The following ARHGEF33 variants were observed in gnomAD, a reference collection of about 807,000 sequenced individuals.
ARHGEF33 encodes Rho guanine nucleotide exchange factor 33.
A neutral mutation model predicts 101.9 loss-of-function variants in ARHGEF33; 72 were observed. The observed-to-expected ratio is 0.71, with a 90% CI of 0.58 to 0.86. The LOEUF is 0.86. Ranked by LOEUF, ARHGEF33 falls within the 40% of genes least tolerant of loss-of-function variation. The pLI, the probability that ARHGEF33 is intolerant of heterozygous loss-of-function variation, is 0.00. For missense variants in ARHGEF33, 1,169 were observed against 1,111.3 expected (o/e 1.05, Z -0.74); for synonymous variants, 499 against 442.5 (o/e 1.13, Z -1.60).
At chr2:38,916,659 C>G (rs1162139640) in intron 2 of ARHGEF33, among the ~76,000 whole-genome samples, 1 of 152,190 alleles carries the variant, frequency 6.6e-6, no homozygotes, top group African/African-American at 2.4e-5. Context: ...TCATTTATAA[C>G]CATGTAGCTA....
intron 16 of ARHGEF33, among the ~76,000 whole-genome samples, chr2:38,963,151 T>C (rs1425690612): frequency 6.6e-6 from 1 of 152,122 alleles, no homozygotes; most frequent in Non-Finnish European, 1.5e-5. Flanking sequence ...TCTGCATGTC[T>C]AAGTATATAT....
Position 38,921,403 on chromosome 2 carries a change from C to T in ARHGEF33, c.55C>T (p.Pro19Ser). 6.5e-7 allele frequency: 1 copy of T among 1,546,828 alleles called. No individual in the cohort carries two copies. Among genetic ancestry groups the T allele is most frequent in the Non-Finnish European group, 8.8e-7 (1 of 1,142,536 alleles). ...GENEHMPVNN[P>S]STQIYQLQAL... ...GAATGAACATATGCCGGTGAATAAT[C>T]CTTCCACGCAGATTTACCAGGTAAA... Residue 19 changes from proline (P) to serine (S), a missense_variant, in exon 4 of 18, where the codon CCT (proline) becomes TCT (serine). Coordinates refer to ENST00000409978, the MANE Select transcript of ARHGEF33 (RefSeq NM_001145451.5).
chr2:38,928,695 T>A (rs995497349), intron 4 of ARHGEF33: 18 of 350,108 alleles, frequency 5.1e-5, no homozygotes, highest in Admixed American at 3.3e-4. Flanking sequence ...TTTATCAAGC[T>A]TCAGCATATG....
At chr2:38,962,798 A>C (rs1167984390) in intron 16 of ARHGEF33, among the ~76,000 whole-genome samples, 2 of 127,594 alleles carry the variant, frequency 1.6e-5, no homozygotes, top group Admixed American at 1.0e-4. Context: ...GCGGATCATG[A>C]GGTCAGGAGA....
At chr2:38,954,602 A>T (rs1667693011) in intron 13 of ARHGEF33, 146 bp downstream of exon 13, 1 of 625,014 alleles carries the variant, frequency 1.6e-6, no homozygotes. Context: ...TTACCTGATA[A>T]CCCATAATAC....
chr2:38,929,628 A>T, intron 5 of ARHGEF33, 81 bp from the exon 6 acceptor site: 1 of 1,146,684 alleles, frequency 8.7e-7, no homozygotes, highest in Non-Finnish European at 1.2e-6. Context: ...AATATGTATT[A>T]AAAGTGTACA....
intron 4 of ARHGEF33, among the ~76,000 whole-genome samples, chr2:38,926,260 A>T (rs749697306): frequency 8.5e-5 from 13 of 152,324 alleles, no homozygotes; most frequent in Middle Eastern, 3.4e-3. Context: ...CTCGCTGGAG[A>T]ACAAGGTAGA....
chr2:38,916,757 C>A (rs1666642855), intron 2 of ARHGEF33, among the ~76,000 whole-genome samples: 1 of 149,334 alleles, frequency 6.7e-6, no homozygotes, highest in African/African-American at 2.5e-5. Flanking sequence ...GAATAAAGGT[C>A]TTTTTCTTTT....
At position 38,954,408 on chromosome 2, in the gene ARHGEF33, G is replaced by A. The variant is rs1443061690; in HGVS notation, c.1173G>A (p.Leu391=). 1 of 1,551,100 alleles carries A rather than the reference G, an allele frequency of 6.4e-7. No individual in the cohort carries two copies. The highest frequency in any genetic ancestry group is 2.0e-5 in the Admixed American group (1 of 51,002). Residue 391 remains leucine (L), a synonymous_variant, in exon 13 of 18, where the codon TTG becomes TTA. Transcript: ENST00000409978. The part of the protein sequence containing the change: ...DEEIKSDIYT[L]FFHIVQRIPE... ...AGATTAAATCTGACATCTACACGTTGTTTTTTCACATAGTCCAGCGCATCC... is the reference window on the plus strand; with the variant it reads ...AGATTAAATCTGACATCTACACGTTATTTTTTCACATAGTCCAGCGCATCC...
intron 2 of ARHGEF33, among the ~76,000 whole-genome samples, chr2:38,903,148 CCAAA>C (rs533179800): frequency 5.9e-5 from 9 of 152,094 alleles, no homozygotes; most frequent in Non-Finnish European, 1.3e-4. Flanking sequence ...TTCTGTGATT[CCAAA>C]CAGTCTTTTA....
chr2:38,943,447 G>A (rs1017637546), intron 9 of ARHGEF33, among the ~76,000 whole-genome samples: 3 of 152,144 alleles, frequency 2.0e-5, no homozygotes, highest in Admixed American at 6.5e-5. Context: ...ACTCTACTAT[G>A]TCTAAAGTCT....
At chr2:38,964,637 G>C (rs1668015355) in intron 16 of ARHGEF33, among the ~76,000 whole-genome samples, 1 of 151,478 alleles carries the variant, frequency 6.6e-6, no homozygotes, top group African/African-American at 2.4e-5. Context: ...TCTGACAGAA[G>C]GTGGAGCTCA....
At chr2:38,937,597 G>A (rs1030350957) in intron 9 of ARHGEF33, 38 bp downstream of exon 9, 1 of 1,207,534 alleles carries the variant, frequency 8.3e-7, no homozygotes, top group Non-Finnish European at 1.2e-6. Flanking sequence ...ATAGTTTAAA[G>A]AACAGGATGT....
chr2:38,915,100 C>A (rs1008774600), intron 2 of ARHGEF33, among the ~76,000 whole-genome samples: 1 of 152,132 alleles, frequency 6.6e-6, no homozygotes, highest in Non-Finnish European at 1.5e-5. Context: ...AATCCTCCAT[C>A]CTTGGCCACC....
In ARHGEF33 at chr2:38,931,208, C is replaced by T. The variant is rs768520159; in HGVS notation, c.462C>T (p.Ser154=). ...SINIPEPVLP[S]EDFTNLLPSQ... is the part of the protein sequence containing the mutation. ...ATATCCCTGAGCCTGTTCTTCCAAG[C>T]GAAGACTTTACCAACCTTTTGCCTT... Residue 154 remains serine, a synonymous_variant, in exon 7 of 18, where the codon AGC becomes AGT. Coordinates refer to ENST00000409978, the MANE Select transcript of ARHGEF33 (RefSeq NM_001145451.5). 7.8e-5 allele frequency: 121 copies of T among 1,551,278 alleles called. No homozygotes were observed. Among genetic ancestry groups the T allele is most frequent in the Non-Finnish European group, 9.5e-5 (109 of 1,146,828 alleles).
chr2:38,943,140 C>T (rs574314850), intron 9 of ARHGEF33, among the ~76,000 whole-genome samples: 67 of 152,292 alleles, frequency 4.4e-4, no homozygotes, highest in African/African-American at 1.6e-3. Context: ...GTTAGCCAGG[C>T]TGGTCTCGAA....
intron 15 of ARHGEF33, chr2:38,959,567 AG>A (rs1314071955): frequency 5.5e-6 from 2 of 360,758 alleles, no homozygotes; most frequent in African/African-American, 4.2e-5. Flanking sequence ...GAGGAGGGTC[AG>A]GGCTTCCACG....
rs1437576005 is a variant in ARHGEF33, at chr2:38,951,223, C to T, written c.1053+102C>T. On this transcript the variant is annotated intron_variant, in intron 11 of 17. Coordinates refer to ENST00000409978, the MANE Select transcript of ARHGEF33 (RefSeq NM_001145451.5). ...AATCTAGAAGCAGTGAATTTCACAG[C>T]TAGAACCACTGAGATCTAGTCTAAC... 1.3e-5 allele frequency: 14 copies of T among 1,092,492 alleles called. 1 individual carries two copies. Among genetic ancestry groups the T allele is most frequent in the African/African-American group, 3.1e-5 (2 of 63,522 alleles). The allele number at this position is 1,092,492 out of a possible 1,614,324, so 67.7% of individuals were successfully genotyped here.
intron 16 of ARHGEF33, among the ~76,000 whole-genome samples, chr2:38,963,935 G>C (rs951183965): frequency 6.6e-6 from 1 of 152,106 alleles, no homozygotes; most frequent in Non-Finnish European, 1.5e-5. Context: ...ATTCAAGTGC[G>C]TTACAATTTA....
Sources: gnomAD v4.1 joint callset for allele counts (sites outside exome capture counted in the v4.1 genomes callset) on GRCh38, gnomAD v4.1.1 for gene constraint, MANE v1.5 for transcripts, NCBI Gene and HGNC (gene_info 2026-07-23, HGNC 2026-07-21) for gene names.